The following KIF24 variants were observed in gnomAD, a reference collection of about 807,000 sequenced individuals.
The protein encoded by KIF24 is kinesin family member 24.
A neutral mutation model predicts 118.9 loss-of-function variants in KIF24; 81 were observed. The observed-to-expected ratio is 0.68, with a 90% CI of 0.57 to 0.82. The LOEUF (loss-of-function observed/expected upper bound fraction) is 0.82, where lower values mean the gene tolerates loss of function less well. Ranked by LOEUF, KIF24 falls within the 40% of genes least tolerant of loss-of-function variation. The pLI, the probability that KIF24 is intolerant of heterozygous loss-of-function variation, is 0.00. For missense variants in KIF24, 1,560 were observed against 1,661.6 expected (o/e 0.94, Z 1.06); for synonymous variants, 599 against 610.0 (o/e 0.98, Z 0.27).
chr9:34,325,368 T>C (rs1587979485), intron 1 of KIF24, among the ~76,000 whole-genome samples: 1 of 134,466 alleles, frequency 7.4e-6, no homozygotes, highest in Non-Finnish European at 1.6e-5. Context: ...AAGCAATATG[T>C]CTTATTAGTC....
At chr9:34,296,893 A>T (rs1186186179) in intron 4 of KIF24, 124 bp downstream of exon 4, 2 of 541,496 alleles carry the variant, frequency 3.7e-6, no homozygotes, top group African/African-American at 1.9e-5. Flanking sequence ...TAAATTTATT[A>T]GCTCAAAACA....
In KIF24 at chr9:34,318,901, G is replaced by C; in HGVS notation, c.-25-7530C>G. On this transcript the variant is annotated intron_variant, in intron 1 of 12. Transcript: ENST00000402558. This position sits in a 1 kb window ranked among gnomAD's most constrained non-coding sequence, Gnocchi z 4.9. ...ACTCCAAGATCAATTTCCATGACAA[G>C]CGCAGTGCGCTGCAGTCCATCCACG... 1.9e-6 allele frequency: 3 copies of C among 1,592,096 alleles called. No homozygotes were observed. The highest frequency in any genetic ancestry group is 2.2e-5 in the South Asian group (2 of 90,720).
chr9:34,313,734 A>T (rs1160171853), intron 1 of KIF24, among the ~76,000 whole-genome samples: 1 of 134,556 alleles, frequency 7.4e-6, no homozygotes, highest in Non-Finnish European at 1.5e-5. Flanking sequence ...TTCCCCCGTT[A>T]TCTGTTTTTT....
At chr9:34,305,989 G>A (rs1563957972) in intron 3 of KIF24, among the ~76,000 whole-genome samples, 1 of 152,086 alleles carries the variant, frequency 6.6e-6, no homozygotes, top group East Asian at 1.9e-4. Context: ...CACAAAGCAT[G>A]TTAAGTGAAT....
In KIF24 at chr9:34,256,414, A is replaced by T. The variant is rs1046678077; in HGVS notation, c.3193T>A (p.Ser1065Thr). The T allele has an allele frequency of 1.9e-6, 3 of 1,613,720 alleles. No homozygotes were observed. Among genetic ancestry groups the T allele is most frequent in the Non-Finnish European group, 2.5e-6 (3 of 1,179,842 alleles). ...SLLENPDNEG[S>T]PPSEQLVQDG... ...TGGACCAGCTGCTCCGAGGGAGGAG[A>T]CCCTTCGTTGTCTGGGTTCTCCAGG... Residue 1065 changes from serine (S) to threonine (T), a missense_variant, in exon 11 of 13, where the codon TCT becomes ACT. By Grantham distance (58) the Ser-to-Thr change is moderately conservative (BLOSUM62 1). This residue lies in a region of KIF24 where 591 missense variants were observed against 655.6 expected (regional missense o/e 0.90). Transcript: ENST00000402558.
chr9:34,315,074 CTTTTAAATGCTGG>C (rs1174741413), intron 1 of KIF24, among the ~76,000 whole-genome samples: 1 of 152,098 alleles, frequency 6.6e-6, no homozygotes, highest in Admixed American at 6.5e-5. Context: ...CTACTGTATA[CTTTTAAATGCTGG>C]TAGTTATTAT....
At position 34,286,666 on chromosome 9, in the gene KIF24, A is replaced by C; in HGVS notation, c.1166T>G (p.Ile389Arg). Reference sequence around the variant, plus strand: ...CACCTGAAGCTCTTGCAGTCCCACTATCTGCACCATGTGCTTGCTATCTTC... The same window carrying C: ...CACCTGAAGCTCTTGCAGTCCCACTCTCTGCACCATGTGCTTGCTATCTTC... ...AREDSKHMVQIVGLQELQVDS... is the reference protein window; with the variant it reads ...AREDSKHMVQRVGLQELQVDS... The change falls in exon 6 of 13, where the codon ATA becomes AGA. Residue 389 changes from isoleucine to arginine, a missense_variant. Transcript: ENST00000402558. 6.2e-7 allele frequency: 1 copy of C among 1,613,734 alleles called. No individual in the cohort carries two copies. Among genetic ancestry groups the C allele is most frequent in the Non-Finnish European group, 8.5e-7 (1 of 1,179,684 alleles).
In KIF24 at chr9:34,259,680, T is replaced by C. The variant is rs781221440; in HGVS notation, c.1541A>G (p.Asn514Ser). 28 of 1,613,802 alleles carry C rather than the reference T, an allele frequency of 1.7e-5. No homozygotes were observed. The highest frequency in any genetic ancestry group is 8.9e-5 in the East Asian group (4 of 44,890). ...GTTGGCGATCATGCAGGTTTTGGCATTGCCGATGAAAGAGTCCTTCAGGAC... is the reference window on the plus strand; with the variant it reads ...GTTGGCGATCATGCAGGTTTTGGCACTGCCGATGAAAGAGTCCTTCAGGAC... ...TQVLKDSFIG[N>S]AKTCMIANIS... Residue 514 changes from asparagine to serine, a missense_variant, in exon 10 of 13, where the codon AAT becomes AGT. This residue lies in a region of KIF24 where 964 missense variants were observed against 988.0 expected (regional missense o/e 0.98). Coordinates refer to ENST00000402558, the MANE Select transcript of KIF24 (RefSeq NM_194313.4).
Position 34,329,213 on chromosome 9 carries a change from A to G in KIF24, c.-133T>C, listed in dbSNP as rs1430321213. ...TAACAGTCCCGTCAACCCGGGAGCC[A>G]CCGGCGGCGGCCAGGCCGCATCTCC... On this transcript the variant is annotated 5_prime_UTR_variant, in exon 1 of 13. Coordinates refer to ENST00000402558, the MANE Select transcript of KIF24 (RefSeq NM_194313.4). Among the ~76,000 whole-genome samples, 1 of 152,218 alleles carries G rather than the reference A, an allele frequency of 6.6e-6. No homozygotes were observed. Among genetic ancestry groups the G allele is most frequent in the African/African-American group, 2.4e-5 (1 of 41,466 alleles).
At chr9:34,281,052 G>A (rs1373487597) in intron 6 of KIF24, among the ~76,000 whole-genome samples, 1 of 152,112 alleles carries the variant, frequency 6.6e-6, no homozygotes, top group Non-Finnish European at 1.5e-5. Context: ...TTGAGATGGA[G>A]TCTTGCTCTG....
At chr9:34,296,192 C>T (rs190068974) in intron 4 of KIF24, among the ~76,000 whole-genome samples, 11 of 134,194 alleles carry the variant, frequency 8.2e-5, no homozygotes, top group African/African-American at 3.1e-4. Context: ...GCACTCCAGC[C>T]TGGGCGACAG....
intron 4 of KIF24, among the ~76,000 whole-genome samples, chr9:34,291,945 C>A (rs1836270975): frequency 6.6e-6 from 1 of 152,164 alleles, no homozygotes; most frequent in African/African-American, 2.4e-5. Flanking sequence ...TAAAAAGCTA[C>A]ATATCTCCCT....
chr9:34,270,152 C>T (rs978594306), intron 7 of KIF24, among the ~76,000 whole-genome samples: 40 of 150,536 alleles, frequency 2.7e-4, no homozygotes, highest in African/African-American at 7.8e-4. Context: ...ACCCGGGAGG[C>T]GGAGGTTGCA....
At chr9:34,300,870 A>G (rs1233982607) in intron 3 of KIF24, among the ~76,000 whole-genome samples, 3 of 139,806 alleles carry the variant, frequency 2.1e-5, no homozygotes, top group South Asian at 2.4e-4. Flanking sequence ...AAAAAAAAAA[A>G]AAAAGAAAAA....
intron 7 of KIF24, 52 bp from the exon 8 acceptor site, chr9:34,269,414 A>T (rs1835416767): frequency 1.2e-6 from 1 of 854,828 alleles, no homozygotes; most frequent in Non-Finnish European, 1.8e-6. Flanking sequence ...ATTTTATTTT[A>T]TTTTATTTTT....
intron 4 of KIF24, among the ~76,000 whole-genome samples, chr9:34,294,570 C>T (rs138908303): frequency 7.8e-4 from 119 of 152,032 alleles, no homozygotes; most frequent in African/African-American, 2.9e-3. Flanking sequence ...AATGTTCATA[C>T]TTTATTCATA....
At chr9:34,300,653 C>T (rs1836664262) in intron 3 of KIF24, among the ~76,000 whole-genome samples, 1 of 151,966 alleles carries the variant, frequency 6.6e-6, no homozygotes, top group Admixed American at 6.6e-5. Flanking sequence ...CAGGTGTGAG[C>T]CACTGTGCCC....
intron 1 of KIF24, among the ~76,000 whole-genome samples, chr9:34,328,519 T>C (rs756130135): frequency 1.3e-5 from 2 of 152,098 alleles, no homozygotes; most frequent in Non-Finnish European, 2.9e-5. Context: ...GTGTGTGGAC[T>C]TTTAGGTCCT....
Position 34,256,339 on chromosome 9 carries a change from C to T in KIF24, c.3268G>A (p.Val1090Met), listed in dbSNP as rs1479957316. The T allele has an allele frequency of 1.2e-6, 2 of 1,613,526 alleles. No individual in the cohort carries two copies. Among genetic ancestry groups the T allele is most frequent in the African/African-American group, 2.7e-5 (2 of 74,922 alleles). The change falls in exon 11 of 13, where the codon GTG becomes ATG. Residue 1090 changes from valine to methionine, a missense_variant. This residue lies in a region of KIF24 where 591 missense variants were observed against 655.6 expected (regional missense o/e 0.90). Transcript: ENST00000402558. ...TCACCAGATGGCACTGTGTGGCTCA[C>T]AACTGGGCCCCCTGTGCTCTCTGCC... ...LVAESTGGPV[V>M]SHTVPSGDQE... is the part of the protein sequence containing the mutation.
Sources: allele counts gnomAD v4.1 joint callset (sites outside exome capture counted in the v4.1 genomes callset), GRCh38; gene constraint gnomAD v4.1.1; regional missense constraint gnomAD v4.1.1; non-coding constraint Gnocchi (gnomAD v3.1); transcripts MANE v1.5; gene names NCBI Gene and HGNC (gene_info 2026-07-23, HGNC 2026-07-21).